Variants in DOCK2 observed in about 807,000 individuals in gnomAD.
DOCK2 encodes dedicator of cytokinesis protein 2.
A neutral mutation model predicts 248.9 loss-of-function variants in DOCK2; 87 were observed. The ratio of observed to expected loss-of-function variants is 0.35; its 90% confidence interval spans 0.29 to 0.42. The LOEUF is 0.42. DOCK2 is among the 10% of genes least tolerant of loss of function. The pLI is 1.00. For synonymous variants in DOCK2, 805 were observed against 821.6 expected (o/e 0.98, Z 0.35); for missense variants, 1,747 against 2,300.2 (o/e 0.76, Z 4.92).
At chr5:169,779,270 CTTTT>C (rs1765557201) in intron 25 of DOCK2, 2 of 152,240 alleles carry the variant, frequency 1.3e-5, no homozygotes, top group South Asian at 4.1e-4. Flanking sequence ...CCTGGTTCAG[CTTTT>C]TCTGCCCACA....
At chr5:169,857,656 G>A (rs990311959) in intron 27 of DOCK2, among the ~76,000 whole-genome samples, 10 of 151,578 alleles carry the variant, frequency 6.6e-5, no homozygotes, top group Non-Finnish European at 1.2e-4. Flanking sequence ...TGAGAAGATG[G>A]AAAAATTGCT....
At position 170,049,362 on chromosome 5, in the gene DOCK2, C is replaced by T. The variant is rs141473633; in HGVS notation, c.4072-894C>T. Among the ~76,000 whole-genome samples, 60 of 152,352 alleles carry T rather than the reference C, an allele frequency of 3.9e-4. No homozygotes were observed. The East Asian group carries it at 0.011, about 27-fold the overall frequency. On this transcript the variant is annotated intron_variant, in intron 40 of 51. Transcript: ENST00000520908. ...TCTCTTGACCTCATGATCCGCCTGC[C>T]TCGGCCTCCCAAAGTGCTGGGATTA...
intron 26 of DOCK2, among the ~76,000 whole-genome samples, chr5:169,832,641 T>G (rs1769299975): frequency 6.6e-6 from 1 of 152,190 alleles, no homozygotes; most frequent in South Asian, 2.1e-4. Context: ...ACATTCCCTC[T>G]AAGGGCCAGA....
chr5:169,714,572 A>T (rs1182410793), intron 19 of DOCK2, 115 bp downstream of exon 19: 6 of 1,089,538 alleles, frequency 5.5e-6, no homozygotes, highest in East Asian at 2.5e-5. Flanking sequence ...TTCTTCCAAC[A>T]GTAGGATACA....
intron 36 of DOCK2, among the ~76,000 whole-genome samples, chr5:170,038,118 C>A (rs1467091740): frequency 2.6e-5 from 4 of 152,178 alleles, no homozygotes; most frequent in Admixed American, 2.6e-4. Context: ...TCGGTCCTTG[C>A]CTCACTTTTT....
intron 37 of DOCK2, 50 bp from the exon 38 acceptor site, chr5:170,041,963 T>G: frequency 6.3e-7 from 1 of 1,599,612 alleles, no homozygotes; most frequent in Non-Finnish European, 8.5e-7. Context: ...AGACACCTGC[T>G]CTTGGCAGCC....
intron 23 of DOCK2, among the ~76,000 whole-genome samples, chr5:169,749,404 A>G (rs1763785897): frequency 6.6e-6 from 1 of 152,216 alleles, no homozygotes; most frequent in Non-Finnish European, 1.5e-5. Flanking sequence ...CATAATAATC[A>G]TATGAGTTCT....
At chr5:170,053,306 G>A (rs914720921) in intron 41 of DOCK2, among the ~76,000 whole-genome samples, 1 of 152,200 alleles carries the variant, frequency 6.6e-6, no homozygotes, top group Non-Finnish European at 1.5e-5. Context: ...GGGATCAGAT[G>A]GGCAGTATTT....
chr5:169,657,743 G>T (rs1453198270), intron 2 of DOCK2, among the ~76,000 whole-genome samples: 39 of 152,178 alleles, frequency 2.6e-4, no homozygotes, highest in Non-Finnish European at 5.9e-5. Context: ...AAGACCTGGG[G>T]AAGGAGTGAG....
intron 26 of DOCK2, among the ~76,000 whole-genome samples, chr5:169,839,991 G>A (rs1769843850): frequency 6.6e-6 from 1 of 152,182 alleles, no homozygotes; most frequent in Admixed American, 6.5e-5. Context: ...CCAAGGATTA[G>A]AAAAGTTAAT....
chr5:170,075,019 G>C (rs750773793), intron 46 of DOCK2, among the ~76,000 whole-genome samples: 1 of 152,100 alleles, frequency 6.6e-6, no homozygotes, highest in Non-Finnish European at 1.5e-5. Context: ...TTGTGTGGCA[G>C]GTTTATGAAT....
intron 23 of DOCK2, among the ~76,000 whole-genome samples, chr5:169,756,295 C>G (rs553787466): frequency 5.9e-4 from 90 of 152,340 alleles, no homozygotes; most frequent in African/African-American, 1.9e-3. Flanking sequence ...CGTGTCCCTC[C>G]AAAGTCCTGG....
At chr5:169,682,356 C>A (rs928647857) in intron 7 of DOCK2, among the ~76,000 whole-genome samples, 3 of 152,218 alleles carry the variant, frequency 2.0e-5, no homozygotes, top group African/African-American at 7.2e-5. Flanking sequence ...GTGTTCCAGG[C>A]AGAGGGCACA....
At chr5:169,691,333 C>T (rs1458043003) in intron 9 of DOCK2, among the ~76,000 whole-genome samples, 1 of 152,166 alleles carries the variant, frequency 6.6e-6, no homozygotes, top group African/African-American at 2.4e-5. Flanking sequence ...TACATTTTAA[C>T]ATGAGATTTG....
rs149407454 is a variant in DOCK2, at chr5:169,966,600, A to T, written c.2800-16468A>T. Among the ~76,000 whole-genome samples the T allele has an allele frequency of 2.9e-3, 448 of 152,348 alleles. 2 individuals carry two copies. The highest frequency in any genetic ancestry group is 0.01 in the African/African-American group (422 of 41,578). On this transcript the variant is annotated intron_variant, in intron 27 of 51. Coordinates refer to ENST00000520908, the MANE Select transcript of DOCK2 (RefSeq NM_004946.3). ...TGGGTGAATTCAAATCACCACACTC[A>T]GCATAGGACCTGGCTCCATACCCTT...
intron 27 of DOCK2, among the ~76,000 whole-genome samples, chr5:169,853,892 G>A (rs753619595): frequency 1.1e-3 from 132 of 124,024 alleles, no homozygotes; most frequent in Non-Finnish European, 1.5e-3. Context: ...CTGGAGTGCA[G>A]TGGTGCAATC....
intron 41 of DOCK2, among the ~76,000 whole-genome samples, chr5:170,051,428 T>G (rs963522843): frequency 2.0e-5 from 3 of 152,136 alleles, no homozygotes; most frequent in African/African-American, 7.2e-5. Context: ...TGTTCTCTGT[T>G]CCCTCTGCTT....
chr5:169,951,308 G>A (rs890530172), intron 27 of DOCK2, among the ~76,000 whole-genome samples: 3 of 152,160 alleles, frequency 2.0e-5, no homozygotes, highest in Non-Finnish European at 4.4e-5. Flanking sequence ...TTTGTTTCAC[G>A]GACATTCCTT....
intron 44 of DOCK2, among the ~76,000 whole-genome samples, chr5:170,064,403 A>G (rs558500807): frequency 5.9e-5 from 9 of 152,168 alleles, no homozygotes; most frequent in South Asian, 4.2e-4. Context: ...GAATTCTAAC[A>G]AAGAGAAAGC....
Sources: allele counts gnomAD v4.1 joint callset (sites outside exome capture counted in the v4.1 genomes callset), GRCh38; gene constraint gnomAD v4.1.1; transcripts MANE v1.5; gene names NCBI Gene and HGNC (gene_info 2026-07-23, HGNC 2026-07-21).